NGEF: variants seen among roughly 807,000 people sequenced by gnomAD.
The protein encoded by NGEF is ephexin-1.
In NGEF, 31 loss-of-function variants were observed where a neutral mutation model predicts 80.9. The observed-to-expected ratio is 0.38, with a 90% CI of 0.29 to 0.52. The LOEUF (loss-of-function observed/expected upper bound fraction) is 0.52, where lower values mean the gene tolerates loss of function less well. Ranked by LOEUF, NGEF falls within the 20% of genes least tolerant of loss-of-function variation. The probability of loss-of-function intolerance (pLI) is 0.84; values close to 1 mark genes in which losing one functional copy is unlikely to be tolerated. For synonymous variants in NGEF, 371 were observed against 370.2 expected, an observed-to-expected ratio of 1.00 and a Z score of -0.03; for missense variants, 709 against 926.2, an observed-to-expected ratio of 0.77 and a Z score of 3.04.
At chr2:232,956,020 C>G (rs1418392358) in intron 3 of NGEF, among the ~76,000 whole-genome samples, 1 of 152,164 alleles carries the variant, frequency 6.6e-6, no homozygotes, top group Non-Finnish European at 1.5e-5. Context: ...CTCAATCTCC[C>G]CCAAACGTGA....
chr2:232,943,955 G>A (rs994482406), intron 3 of NGEF, among the ~76,000 whole-genome samples: 8 of 151,796 alleles, frequency 5.3e-5, no homozygotes, highest in Non-Finnish European at 8.8e-5. Flanking sequence ...AGTGCAGGCC[G>A]GGCGCGGTGG....
chr2:232,883,501 C>T, intron 11 of NGEF, 35 bp from the exon 12 acceptor site: 1 of 1,529,350 alleles, frequency 6.5e-7, no homozygotes, highest in South Asian at 1.3e-5. Flanking sequence ...CGTGTCAGCC[C>T]CGAGGAGGCC....
intron 3 of NGEF, among the ~76,000 whole-genome samples, chr2:232,949,482 CTT>C (rs71398759): frequency 6.8e-6 from 1 of 147,116 alleles, no homozygotes; most frequent in Non-Finnish European, 1.5e-5. Context: ...TGCACTCTTT[CTT>C]TTTTTTTTTT....
rs147776653 is a variant in NGEF at position 232,997,909 on chromosome 2, G to A, written c.-75+15159C>T. 3.4e-3 allele frequency among the ~76,000 whole-genome samples: 520 copies of A among 152,310 alleles called. 2 individuals carry two copies. The highest frequency in any genetic ancestry group is 0.01 in the African/African-American group (436 of 41,562). Reference sequence around the variant, plus strand: ...CCAGCAGGTCCACCCACAGGTGGCCGTGGGTGATCCTGGCAAGCTTCGCTA... The same window carrying A: ...CCAGCAGGTCCACCCACAGGTGGCCATGGGTGATCCTGGCAAGCTTCGCTA... On this transcript the variant is annotated intron_variant, in intron 1 of 14. Coordinates refer to ENST00000264051, the MANE Select transcript of NGEF (RefSeq NM_019850.3).
At chr2:232,904,126 G>A (rs529878883) in intron 5 of NGEF, among the ~76,000 whole-genome samples, 5 of 152,174 alleles carry the variant, frequency 3.3e-5, no homozygotes, top group East Asian at 3.9e-4. Flanking sequence ...CTTGCTTCTC[G>A]CTCCCCAGCA....
intron 1 of NGEF, among the ~76,000 whole-genome samples, chr2:232,980,855 C>T (rs376221960): frequency 5.9e-5 from 9 of 152,228 alleles, no homozygotes; most frequent in East Asian, 1.9e-4. Context: ...AGGGGAACAC[C>T]GCCACCAGGG....
chr2:232,925,543 G>A (rs1044832296), intron 4 of NGEF, among the ~76,000 whole-genome samples: 1 of 152,174 alleles, frequency 6.6e-6, no homozygotes, highest in Non-Finnish European at 1.5e-5. Flanking sequence ...GACCCTGCCA[G>A]CCGGCTTCGG....
intron 3 of NGEF, among the ~76,000 whole-genome samples, chr2:232,950,900 G>T (rs1039705492): frequency 1.3e-5 from 2 of 152,186 alleles, no homozygotes; most frequent in Non-Finnish European, 2.9e-5. Context: ...AAGGGGAACA[G>T]CTGATGAATG....
intron 8 of NGEF, 30 bp downstream of exon 8, chr2:232,891,328 C>T (rs539857171): frequency 1.9e-5 from 31 of 1,611,434 alleles, no homozygotes; most frequent in Middle Eastern, 1.6e-4. Flanking sequence ...TGGGAAGCCC[C>T]GTCTGTGGGT....
chr2:232,894,704 C>T lies in NGEF; in HGVS notation c.989+52G>A, dbSNP rs73108362. On this transcript the variant is annotated intron_variant, in intron 6 of 14. Transcript: ENST00000264051. ...TGTCATCAGTGTCTCAAGCATGTGC[C>T]CTGGGGATGAAGAAGGGCCCTGAGG... The T allele has an allele frequency of 1.2e-3, 1,802 of 1,481,712 alleles. 20 individuals carry two copies. In the African/African-American group the frequency reaches 0.022, roughly 18 times the overall value. The allele number at this position is 1,481,712 out of a possible 1,614,324, so 91.8% of individuals were successfully genotyped here. A position where few individuals can be genotyped will look rare whatever the true frequency, so the allele number is the denominator to read the frequency against.
chr2:232,946,084 C>T (rs1369072567), intron 3 of NGEF, among the ~76,000 whole-genome samples: 1 of 150,772 alleles, frequency 6.6e-6, no homozygotes, highest in African/African-American at 2.4e-5. Context: ...TATATGCACA[C>T]AATGGAATAG....
At chr2:232,964,065 T>C (rs1694008670) in intron 3 of NGEF, among the ~76,000 whole-genome samples, 1 of 152,132 alleles carries the variant, frequency 6.6e-6, no homozygotes, top group Non-Finnish European at 1.5e-5. Context: ...GTAAGACAGA[T>C]ACAATTACAA....
chr2:232,977,100 T>C (rs1345822999), intron 1 of NGEF, among the ~76,000 whole-genome samples: 1 of 152,120 alleles, frequency 6.6e-6, no homozygotes, highest in African/African-American at 2.4e-5. Context: ...AAGTTTAACC[T>C]GGGTCACTGA....
Position 232,884,153 on chromosome 2 carries a change from G to C in NGEF, c.1438-9C>G. 6.3e-7 allele frequency: 1 copy of C among 1,585,074 alleles called. No homozygotes were observed. On this transcript the variant is annotated splice_polypyrimidine_tract_variant and intron_variant, in intron 10 of 14. Coordinates refer to ENST00000264051, the MANE Select transcript of NGEF (RefSeq NM_019850.3). ...GAGATGATGGGCACCGACTGCAGCG[G>C]GGAAAGGGCATCAGGCAGGCTGTGC...
chr2:232,995,734 A>G (rs576937325), intron 1 of NGEF, among the ~76,000 whole-genome samples: 21 of 145,868 alleles, frequency 1.4e-4, no homozygotes, highest in Admixed American at 4.1e-4. Context: ...TATTATACAT[A>G]TACATATGCA....
At chr2:232,895,831 A>G (rs907681243) in intron 5 of NGEF, among the ~76,000 whole-genome samples, 16 of 152,206 alleles carry the variant, frequency 1.1e-4, no homozygotes, top group Non-Finnish European at 4.4e-5. Flanking sequence ...TGGAAGAGAG[A>G]AAGAAATCCA....
At chr2:232,965,490 T>A (rs1694038853) in intron 3 of NGEF, among the ~76,000 whole-genome samples, 1 of 152,036 alleles carries the variant, frequency 6.6e-6, no homozygotes, top group African/African-American at 2.4e-5. Flanking sequence ...TGACTCAGAA[T>A]GCTATGGAGC....
intron 1 of NGEF, among the ~76,000 whole-genome samples, chr2:233,011,317 A>G (rs777537557): frequency 1.6e-4 from 24 of 152,150 alleles, no homozygotes; most frequent in Admixed American, 2.6e-4. Context: ...TCAGAGCATC[A>G]GAGCTGACTC....
At chr2:232,897,564 A>T (rs184760616) in intron 5 of NGEF, among the ~76,000 whole-genome samples, 8 of 152,172 alleles carry the variant, frequency 5.3e-5, no homozygotes, top group Admixed American at 4.6e-4. Flanking sequence ...CCACCCACCC[A>T]CCTGGCAGAG....
Sources: allele counts gnomAD v4.1 joint callset (sites outside exome capture counted in the v4.1 genomes callset), GRCh38; gene constraint gnomAD v4.1.1; transcripts MANE v1.5; gene names NCBI Gene and HGNC (gene_info 2026-07-23, HGNC 2026-07-21).